ANK3: variants seen among roughly 807,000 people sequenced by gnomAD.
ANK3 encodes ankyrin-3.
A neutral mutation model predicts 370.9 loss-of-function variants in ANK3; 57 were observed. The observed-to-expected ratio is 0.15, with a 90% CI of 0.12 to 0.19. ANK3 has a LOEUF of 0.19. ANK3 is among the 10% of genes least tolerant of loss of function. The pLI is 1.00. For synonymous variants in ANK3, 1,929 were observed against 1,946.3 expected, an observed-to-expected ratio of 0.99 and a Z score of 0.23; for missense variants, 4,439 against 5,302.1, an observed-to-expected ratio of 0.84 and a Z score of 5.06.
At position 60,079,225 on chromosome 10, in the gene ANK3, A is replaced by ACACACACACACACC. The variant is rs376356885; in HGVS notation, c.4432+1311_4432+1312insGGTGTGTGTGTGTG. Among the ~76,000 whole-genome samples the ACACACACACACACC allele has an allele frequency of 8.7e-4, 124 of 142,720 alleles. 1 individual carries two copies. Among genetic ancestry groups the ACACACACACACACC allele is most frequent in the African/African-American group, 2.9e-3 (109 of 37,618 alleles). 93.6% of individuals were successfully genotyped at this position (142,720 alleles called of 152,430 possible). A position where few individuals can be genotyped will look rare whatever the true frequency, so the allele number is the denominator to read the frequency against. On this transcript the variant is annotated intron_variant, in intron 36 of 43. Coordinates refer to ENST00000280772, the MANE Select transcript of ANK3 (RefSeq NM_020987.5). ...CACACACACACACACACACACACAC[A>ACACACACACACACC]CCCCTCTTCTGCTCTGTAGCATAAT...
At chr10:60,067,134 A>G (rs1413227896) in intron 38 of ANK3, among the ~76,000 whole-genome samples, 1 of 152,126 alleles carries the variant, frequency 6.6e-6, no homozygotes, top group Admixed American at 6.5e-5. Context: ...TGGGTAGGCT[A>G]GTCCTGACAT....
chr10:60,043,578 G>A (rs1171486060), intron 42 of ANK3: 2 of 985,400 alleles, frequency 2.0e-6, no homozygotes, highest in Non-Finnish European at 2.4e-6. Flanking sequence ...CTCCTCAGAC[G>A]AAGATGGAGG....
At chr10:60,728,866 G>A (rs937522964) in intron 1 of ANK3, among the ~76,000 whole-genome samples, 1 of 152,114 alleles carries the variant, frequency 6.6e-6, no homozygotes, top group Admixed American at 6.5e-5. Flanking sequence ...TGCCAGGGGT[G>A]GTGGGTAACA....
rs569839572 is a variant in ANK3 at position 60,358,638 on chromosome 10, T to C, written c.114+30787A>G. On this transcript the variant is annotated intron_variant, in intron 1 of 43. Coordinates refer to ENST00000280772, the MANE Select transcript of ANK3 (RefSeq NM_020987.5). ...GATTTAGGCTCCTGATTGACATCCC[T>C]ACTTGTATATCTGACTGACTTGCTG... 2.6e-5 allele frequency among the ~76,000 whole-genome samples: 4 copies of C among 152,318 alleles called. No individual in the cohort carries two copies. The South Asian group carries it at 8.3e-4, about 32-fold the overall frequency.
chr10:60,090,599 T>A (rs2088047117), intron 28 of ANK3, among the ~76,000 whole-genome samples: 1 of 152,150 alleles, frequency 6.6e-6, no homozygotes, highest in African/African-American at 2.4e-5. Flanking sequence ...CAATAGATGA[T>A]AGCAAAATAT....
Position 60,182,727 on chromosome 10 carries a change from T to C in ANK3, c.2086-1300A>G, listed in dbSNP as rs532332171. ...GGTTGCTATTCCATCAGAGCAATTA[T>C]GGAATGCAGAGAGAGTCAAGCTGGG... On this transcript the variant is annotated intron_variant, in intron 17 of 43. Coordinates refer to ENST00000280772, the MANE Select transcript of ANK3 (RefSeq NM_020987.5). 6.6e-5 allele frequency among the ~76,000 whole-genome samples: 10 copies of C among 152,322 alleles called. No individual in the cohort carries two copies. The South Asian group carries it at 1.9e-3, about 28-fold the overall frequency.
chr10:60,378,141 C>G (rs181288636), intron 1 of ANK3, among the ~76,000 whole-genome samples: 17 of 152,200 alleles, frequency 1.1e-4, no homozygotes, highest in Admixed American at 5.2e-4. Flanking sequence ...ACTTTTCTAT[C>G]CTGATAATAA....
Position 60,138,994 on chromosome 10 carries a change from A to G in ANK3, c.2708T>C (p.Met903Thr), listed in dbSNP as rs1444230643. The G allele has an allele frequency of 6.2e-7, 1 of 1,613,910 alleles. No individual in the cohort carries two copies. Among genetic ancestry groups the G allele is most frequent in the Middle Eastern group, 1.7e-4 (1 of 6,058 alleles). Residue 903 changes from methionine to threonine, a missense_variant, in exon 24 of 44, where the codon ATG becomes ACG. Coordinates refer to ENST00000280772, the MANE Select transcript of ANK3 (RefSeq NM_020987.5). ...AGAACGCGCTCCGAGACTAAAGCCC[A>G]TGTAACCCTCTGCAGGCAGGGAATC... ...GDDSLPAEGYMGFSLGARSAS... is the reference protein window; with the variant it reads ...GDDSLPAEGYTGFSLGARSAS...
chr10:60,286,969 G>A (rs1008100229), intron 1 of ANK3, among the ~76,000 whole-genome samples: 2 of 152,126 alleles, frequency 1.3e-5, no homozygotes, highest in African/African-American at 4.8e-5. Flanking sequence ...AAATTCTCAG[G>A]ACAGACTTTT....
chr10:60,464,920 G>A (rs940035664), intron 2 of ANK3, among the ~76,000 whole-genome samples: 3 of 152,164 alleles, frequency 2.0e-5, no homozygotes, highest in Non-Finnish European at 2.9e-5. Flanking sequence ...CAAAGCAAAT[G>A]TTTCAGGACT....
Position 60,224,362 on chromosome 10 carries a change from A to G in ANK3, c.897+10326T>C, listed in dbSNP as rs571390306. On this transcript the variant is annotated intron_variant, in intron 8 of 43. Transcript: ENST00000280772. ...ATTTCATTTTAGTGACAGTAATCTT[A>G]TTAGTGAGGAGGGGAACTGCACGTT... Among the ~76,000 whole-genome samples, 131 of 152,272 alleles carry G rather than the reference A, an allele frequency of 8.6e-4. 5 individuals are homozygous for G. The South Asian group carries it at 0.026, about 30-fold the overall frequency.
chr10:60,482,694 C>A (rs547673811), intron 2 of ANK3, among the ~76,000 whole-genome samples: 2 of 152,200 alleles, frequency 1.3e-5, no homozygotes, highest in South Asian at 4.2e-4. Flanking sequence ...ACCACATTAC[C>A]CAGACTGGTC....
At chr10:60,118,495 A>G (rs1325081373) in intron 25 of ANK3, among the ~76,000 whole-genome samples, 1 of 152,200 alleles carries the variant, frequency 6.6e-6, no homozygotes, top group Non-Finnish European at 1.5e-5. Context: ...GCAATAAACC[A>G]TTTAGGAAAG....
At chr10:60,063,357 T>C (rs1589436090) in intron 39 of ANK3, 103 bp from the exon 40 acceptor site, 2 of 1,146,130 alleles carry the variant, frequency 1.7e-6, no homozygotes, top group East Asian at 5.2e-5. Context: ...GCTGACATTT[T>C]AGCTCCTTCT....
intron 1 of ANK3, among the ~76,000 whole-genome samples, chr10:60,373,202 T>C (rs1206917764): frequency 6.6e-6 from 1 of 152,234 alleles, no homozygotes; most frequent in Non-Finnish European, 1.5e-5. Context: ...AAAGTAGTAA[T>C]GTTCTTTATG....
At chr10:60,466,138 A>T (rs545537923) in intron 2 of ANK3, among the ~76,000 whole-genome samples, 1 of 152,208 alleles carries the variant, frequency 6.6e-6, no homozygotes, top group Non-Finnish European at 1.5e-5. Flanking sequence ...TTTATGAAAA[A>T]CGGGTATAGA....
At chr10:60,682,486 A>G (rs1012183979) in intron 1 of ANK3, among the ~76,000 whole-genome samples, 3 of 151,608 alleles carry the variant, frequency 2.0e-5, no homozygotes, top group South Asian at 2.1e-4. Context: ...CCCTTGTTAC[A>G]GTCTTTTGTT....
chr10:60,595,970 T>C (rs7477771), intron 2 of ANK3, among the ~76,000 whole-genome samples: 102,373 of 151,940 alleles, frequency 0.67, 35,280 homozygotes, highest in South Asian at 0.88. Context: ...AGAGGCCTGA[T>C]TGACAGTTCA....
intron 17 of ANK3, 192 bp downstream of exon 17, chr10:60,186,523 C>G: frequency 1.5e-6 from 1 of 688,196 alleles, no homozygotes; most frequent in Non-Finnish European, 2.6e-6. Context: ...GCGCATTGAC[C>G]ATTTTTCTTA....
Sources: allele counts gnomAD v4.1 joint callset (sites outside exome capture counted in the v4.1 genomes callset), GRCh38; gene constraint gnomAD v4.1.1; transcripts MANE v1.5; gene names NCBI Gene and HGNC (gene_info 2026-07-23, HGNC 2026-07-21).